LRP1B: variants seen among roughly 807,000 people sequenced by gnomAD.
LRP1B encodes the protein LDL receptor related protein 1B.
LRP1B carries 217 observed loss-of-function variants against 556.6 expected under a neutral mutation model. The observed-to-expected ratio is 0.39, with a 90% CI of 0.35 to 0.44. LRP1B has a LOEUF of 0.44. LRP1B is among the 20% of genes least tolerant of loss of function. LRP1B has a pLI of 1.00. For missense variants in LRP1B, 5,053 were observed against 5,620.8 expected, an observed-to-expected ratio of 0.90 and a Z score of 3.23; for synonymous variants, 2,047 against 1,865.8, an observed-to-expected ratio of 1.10 and a Z score of -2.50.
intron 31 of LRP1B, among the ~76,000 whole-genome samples, chr2:140,834,345 T>C (rs1206677401): frequency 1.3e-5 from 2 of 152,188 alleles, no homozygotes; most frequent in Non-Finnish European, 2.9e-5. Flanking sequence ...GTTCAAGCGA[T>C]CCTCCTGCCT....
chr2:140,968,090 G>T (rs1696289054), intron 18 of LRP1B, among the ~76,000 whole-genome samples: 1 of 149,174 alleles, frequency 6.7e-6, no homozygotes, highest in African/African-American at 2.5e-5. Context: ...GATTGGAATA[G>T]TTTCAGAAGG....
chr2:142,111,749 T>C (rs1427464561), intron 1 of LRP1B, among the ~76,000 whole-genome samples: 3 of 152,064 alleles, frequency 2.0e-5, no homozygotes, highest in African/African-American at 7.2e-5. Context: ...CTTAAATATT[T>C]TCATCACACA....
At chr2:141,702,842 CTTCT>C (rs1331673390) in intron 2 of LRP1B, among the ~76,000 whole-genome samples, 3 of 151,990 alleles carry the variant, frequency 2.0e-5, no homozygotes, top group African/African-American at 7.2e-5. Flanking sequence ...ACTACTTGAG[CTTCT>C]TTCTAATTTT....
intron 7 of LRP1B, among the ~76,000 whole-genome samples, chr2:141,186,611 C>G (rs1244444891): frequency 1.3e-5 from 2 of 151,934 alleles, no homozygotes; most frequent in Admixed American, 6.6e-5. Flanking sequence ...AACAAAAATT[C>G]CAAAGAACCT....
At chr2:140,789,693 G>T (rs376321866) in intron 32 of LRP1B, among the ~76,000 whole-genome samples, 1 of 141,722 alleles carries the variant, frequency 7.1e-6, no homozygotes, top group Non-Finnish European at 1.5e-5. Flanking sequence ...TGCAGTGGCG[G>T]GATCTCGGCT....
chr2:140,649,644 A>G (rs927456852), intron 41 of LRP1B, among the ~76,000 whole-genome samples: 1 of 152,224 alleles, frequency 6.6e-6, no homozygotes, highest in Non-Finnish European at 1.5e-5. Context: ...TGATAATGCC[A>G]TAACACTTAG....
At chr2:141,967,017 G>C (rs1027267978) in intron 1 of LRP1B, among the ~76,000 whole-genome samples, 2 of 151,730 alleles carry the variant, frequency 1.3e-5, no homozygotes, top group African/African-American at 4.8e-5. Context: ...TATTACACTG[G>C]TCTTTTCCTG....
At chr2:140,651,526 T>TAAA (rs558677783) in intron 41 of LRP1B, among the ~76,000 whole-genome samples, 21 of 107,008 alleles carry the variant, frequency 2.0e-4, no homozygotes, top group African/African-American at 4.8e-4. Context: ...ATACAAAAAT[T>TAAA]AAAAAAAAAA....
chr2:141,819,319 C>A (rs1326453298), intron 1 of LRP1B, among the ~76,000 whole-genome samples: 2 of 152,052 alleles, frequency 1.3e-5, no homozygotes, highest in African/African-American at 2.4e-5. Flanking sequence ...GATCCACAAC[C>A]GTCTACTCAA....
chr2:141,520,333 A>G (rs532560044), intron 2 of LRP1B, among the ~76,000 whole-genome samples: 1 of 152,216 alleles, frequency 6.6e-6, no homozygotes, highest in Admixed American at 6.6e-5. Flanking sequence ...TATCAAAACC[A>G]GTCGTAATTG....
chr2:141,496,289 C>T (rs574827113), intron 2 of LRP1B, among the ~76,000 whole-genome samples: 3 of 151,636 alleles, frequency 2.0e-5, no homozygotes, highest in Admixed American at 6.6e-5. Flanking sequence ...AAAAAAAATG[C>T]CAAACTTTAA....
intron 2 of LRP1B, among the ~76,000 whole-genome samples, chr2:141,783,926 T>C (rs956085856): frequency 1.4e-4 from 21 of 151,802 alleles, no homozygotes; most frequent in African/African-American, 5.1e-4. Context: ...TATTTACTCT[T>C]TTGGCATTTC....
chr2:141,413,363 GAGAGA>G (rs1226613338), intron 3 of LRP1B, among the ~76,000 whole-genome samples: 1 of 152,314 alleles, frequency 6.6e-6, no homozygotes, highest in South Asian at 2.1e-4. Context: ...ATAATGGTCA[GAGAGA>G]TGTGACATTG....
intron 2 of LRP1B, among the ~76,000 whole-genome samples, chr2:141,699,434 A>G (rs959681974): frequency 6.6e-6 from 1 of 151,864 alleles, no homozygotes; most frequent in African/African-American, 2.4e-5. Flanking sequence ...GTTGATAGTG[A>G]ACCCAATGAC....
intron 1 of LRP1B, among the ~76,000 whole-genome samples, chr2:142,087,752 GA>G (rs1706002640): frequency 6.6e-6 from 1 of 152,028 alleles, no homozygotes; most frequent in Admixed American, 6.5e-5. Flanking sequence ...CCACTGTACT[GA>G]ATATAGCAGC....
intron 3 of LRP1B, among the ~76,000 whole-genome samples, chr2:141,438,224 C>A (rs1042706891): frequency 1.3e-5 from 2 of 152,030 alleles, no homozygotes; most frequent in African/African-American, 2.4e-5. Flanking sequence ...TCATCTATGA[C>A]TTCATATCAC....
chr2:140,312,254 C>T (rs919213036), intron 83 of LRP1B, among the ~76,000 whole-genome samples: 3 of 151,906 alleles, frequency 2.0e-5, no homozygotes, highest in African/African-American at 7.2e-5. Context: ...TACAAACTCC[C>T]AAAGTAACAT....
chr2:140,653,171 T>C (rs935767611), intron 41 of LRP1B, among the ~76,000 whole-genome samples: 7 of 152,010 alleles, frequency 4.6e-5, no homozygotes, highest in African/African-American at 1.7e-4. Context: ...GAAATTAAAA[T>C]ATAGTGGCAG....
At chr2:141,081,238 G>T (rs946526204) in intron 7 of LRP1B, among the ~76,000 whole-genome samples, 2 of 152,092 alleles carry the variant, frequency 1.3e-5, no homozygotes, top group Admixed American at 6.5e-5. Flanking sequence ...AATATACAGG[G>T]TTTGATACTA....
Sources: allele counts gnomAD v4.1 joint callset (sites outside exome capture counted in the v4.1 genomes callset), GRCh38; gene constraint gnomAD v4.1.1; transcripts MANE v1.5; gene names NCBI Gene and HGNC (gene_info 2026-07-23, HGNC 2026-07-21).